The following SRC variants were observed in gnomAD, a reference collection of about 807,000 sequenced individuals.
SRC encodes the protein proto-oncogene tyrosine-protein kinase Src.
In SRC, 13 loss-of-function variants were observed where a neutral mutation model predicts 62.9. The ratio of observed to expected loss-of-function variants is 0.21; its 90% CI spans 0.13 to 0.33. The LOEUF (loss-of-function observed/expected upper bound fraction) is 0.33. Among genes scored for constraint, SRC ranks in the 10% least tolerant of loss-of-function variants. The pLI is 1.00. For synonymous variants in SRC, 302 were observed against 317.5 expected (o/e 0.95, Z 0.52); for missense variants, 457 against 737.3 (o/e 0.62, Z 4.40).
At chr20:37,368,279 G>T (rs879837829) in intron 2 of SRC, among the ~76,000 whole-genome samples, 1 of 151,704 alleles carries the variant, frequency 6.6e-6, no homozygotes, top group Admixed American at 6.6e-5. Flanking sequence ...TTAGCCAGGC[G>T]CACTGGCGGG....
chr20:37,388,472 G>A (rs541848925), intron 5 of SRC, among the ~76,000 whole-genome samples: 9 of 152,324 alleles, frequency 5.9e-5, no homozygotes, highest in South Asian at 4.1e-4. Context: ...GTGGCTGAGC[G>A]CGGTGGCTCA....
chr20:37,345,969 G>A (rs529411779), upstream of SRC, among the ~76,000 whole-genome samples: 2 of 151,396 alleles, frequency 1.3e-5, no homozygotes, highest in Non-Finnish European at 3.0e-5. Flanking sequence ...GGTCACCGGC[G>A]GGGAATCCGT....
At chr20:37,349,391 C>T (rs922492268) in intron 1 of SRC, among the ~76,000 whole-genome samples, 1 of 152,080 alleles carries the variant, frequency 6.6e-6, no homozygotes, top group Non-Finnish European at 1.5e-5. Context: ...AGATGGGGAC[C>T]AAAGGTTTGG....
chr20:37,399,792 C>T lies in SRC; in HGVS notation c.860-323C>T, dbSNP rs554325275. ...AACTCCTGACCTCAAATGATCCACC[C>T]GCCTCGGCCCCCTAAAGTGCTGGGA... On this transcript the variant is annotated intron_variant, in intron 9 of 13. Transcript: ENST00000373578. Among the ~76,000 whole-genome samples, 55 of 152,280 alleles carry T rather than the reference C, an allele frequency of 3.6e-4. 1 individual carries two copies. In the South Asian group the frequency reaches 0.011, roughly 30 times the overall value.
At chr20:37,373,163 C>T (rs2070202180) in intron 2 of SRC, among the ~76,000 whole-genome samples, 1 of 151,228 alleles carries the variant, frequency 6.6e-6, no homozygotes, top group Non-Finnish European at 1.5e-5. Context: ...CACATACACA[C>T]ATATATGTAC....
intron 2 of SRC, among the ~76,000 whole-genome samples, chr20:37,381,292 G>T (rs573460425): frequency 6.6e-6 from 1 of 152,216 alleles, no homozygotes; most frequent in Non-Finnish European, 1.5e-5. Context: ...GGGGTCAGGG[G>T]TTGTGTCTTT....
At chr20:37,360,206 T>C (rs562413028) in intron 1 of SRC, among the ~76,000 whole-genome samples, 3 of 144,468 alleles carry the variant, frequency 2.1e-5, no homozygotes, top group East Asian at 1.9e-4. Context: ...TTCTTTCTCT[T>C]TCTCTCTCTC....
intron 2 of SRC, among the ~76,000 whole-genome samples, chr20:37,367,256 A>G (rs1210027006): frequency 6.7e-6 from 1 of 148,172 alleles, no homozygotes; most frequent in Non-Finnish European, 1.5e-5. Flanking sequence ...TTTTTTTTTA[A>G]ATTTGTGGAG....
chr20:37,392,431 G>T (rs1367702424), intron 5 of SRC, among the ~76,000 whole-genome samples: 1 of 152,196 alleles, frequency 6.6e-6, no homozygotes, highest in Admixed American at 6.5e-5. Flanking sequence ...CAGGGATCCA[G>T]GTTCATGTTC....
At chr20:37,350,167 G>T (rs993279678) in intron 1 of SRC, among the ~76,000 whole-genome samples, 1 of 151,984 alleles carries the variant, frequency 6.6e-6, no homozygotes, top group African/African-American at 2.4e-5. Flanking sequence ...CCTTATCTCC[G>T]TGGGAAACCC....
chr20:37,388,451 C>T (rs543325376), intron 5 of SRC, among the ~76,000 whole-genome samples: 5 of 152,282 alleles, frequency 3.3e-5, no homozygotes, highest in African/African-American at 4.8e-5. Context: ...TTCGCTTAGA[C>T]GTCAGAGATG....
intron 2 of SRC, among the ~76,000 whole-genome samples, chr20:37,368,555 T>TTTTTTTTTTTTTTTTTTTTTTTTTTG (rs1600973354): frequency 7.3e-6 from 1 of 137,010 alleles, no homozygotes; most frequent in East Asian, 2.1e-4. Context: ...TTTTTTTTTT[T>TTTTTTTTTTTTTTTTTTTTTTTTTTG]TTTGTTTTTT....
rs2147116737 is a variant in SRC, at chr20:37,400,228, C to T, written c.973C>T (p.Leu325=). 9 of 1,614,166 alleles carry T rather than the reference C, an allele frequency of 5.6e-6. No homozygotes were observed. The highest frequency in any genetic ancestry group is 7.6e-6 in the Non-Finnish European group (9 of 1,180,002). ...QVMKKLRHEK[L]VQLYAVVSEE... ...CATGAAGAAGCTGAGGCATGAGAAG[C>T]TGGTGCAGTTGTATGCTGTGGTTTC... The change falls in exon 10 of 14, where the codon CTG becomes TTG. Residue 325 remains leucine (L), a synonymous_variant. Transcript: ENST00000373578.
In SRC at chr20:37,373,371, T is replaced by A. The variant is rs572024127; in HGVS notation, c.-173+8094T>A. Among the ~76,000 whole-genome samples the A allele has an allele frequency of 8.1e-5, 12 of 148,102 alleles. No individual in the cohort carries two copies. The East Asian group carries it at 2.3e-3, about 29-fold the overall frequency. On this transcript the variant is annotated intron_variant, in intron 2 of 13. Coordinates refer to ENST00000373578, the MANE Select transcript of SRC (RefSeq NM_198291.3). ...ATATGTACATATATACACATACACA[T>A]ATATGTACATTATACACATATATGC...
At chr20:37,347,108 A>G in intron 1 of SRC, among the ~76,000 whole-genome samples, 1 of 152,224 alleles carries the variant, frequency 6.6e-6, no homozygotes, top group Admixed American at 6.5e-5. Flanking sequence ...CCTGTGTGGT[A>G]TCCTTTCAGC....
chr20:37,386,810 A>C (rs571301159), intron 5 of SRC, among the ~76,000 whole-genome samples: 1 of 152,322 alleles, frequency 6.6e-6, no homozygotes, highest in Non-Finnish European at 1.5e-5. Context: ...CTGGGTGGAG[A>C]AGGCCTTGGC....
At chr20:37,376,693 G>C (rs372455056) in intron 2 of SRC, among the ~76,000 whole-genome samples, 64 of 152,310 alleles carry the variant, frequency 4.2e-4, no homozygotes, top group African/African-American at 1.4e-3. Context: ...AGTAGAGATG[G>C]GGTTTCACCA....
At chr20:37,359,079 C>A (rs1200285586) in intron 1 of SRC, among the ~76,000 whole-genome samples, 1 of 152,238 alleles carries the variant, frequency 6.6e-6, no homozygotes, top group African/African-American at 2.4e-5. Flanking sequence ...TGCTTCTGCC[C>A]TGTGTAAGCC....
intron 2 of SRC, among the ~76,000 whole-genome samples, chr20:37,372,286 A>G (rs1036501534): frequency 2.1e-4 from 32 of 152,250 alleles, no homozygotes; most frequent in African/African-American, 7.0e-4. Flanking sequence ...CCACATCTAG[A>G]CGGTTTCCTT....
Sources: gnomAD v4.1 joint callset for allele counts (sites outside exome capture counted in the v4.1 genomes callset) on GRCh38, gnomAD v4.1.1 for gene constraint, MANE v1.5 for transcripts, NCBI Gene and HGNC (gene_info 2026-07-23, HGNC 2026-07-21) for gene names.